The following ROBO2 variants were observed in gnomAD, a reference collection of about 807,000 sequenced individuals.
ROBO2 encodes roundabout homolog 2.
Under a neutral mutation model 160.8 loss-of-function variants are expected in ROBO2, and 53 were observed. That is an observed-to-expected ratio of 0.33 (90% CI 0.26 to 0.41). The LOEUF is 0.41. ROBO2 is among the 10% of genes least tolerant of loss of function. ROBO2 has a pLI of 1.00. For missense variants in ROBO2, 1,577 were observed against 1,722.4 expected (o/e 0.92, Z 1.49); for synonymous variants, 664 against 611.7 (o/e 1.09, Z -1.26).
At chr3:77,514,619 T>A (rs544543502) in intron 5 of ROBO2, among the ~76,000 whole-genome samples, 1 of 151,988 alleles carries the variant, frequency 6.6e-6, no homozygotes, top group East Asian at 1.9e-4. Context: ...TCTAAGTTAT[T>A]TACTGCTGTG....
At chr3:77,026,799 ATTG>A (rs1005486448) in intron 2 of ROBO2, among the ~76,000 whole-genome samples, 1 of 152,210 alleles carries the variant, frequency 6.6e-6, no homozygotes, top group Non-Finnish European at 1.5e-5. Flanking sequence ...TCAATAAAAA[ATTG>A]TTAAGTGAAT....
chr3:77,252,831 A>AAAATATATATATATATATATATATATAT, intron 2 of ROBO2, among the ~76,000 whole-genome samples: 3 of 12,510 alleles, frequency 2.4e-4, no homozygotes, highest in African/African-American at 3.2e-4. Context: ...AAAAAAAAAA[A>AAAATATATATATATATATATATATATAT]ATATATATAT....
chr3:76,687,565 G>A (rs1029683845), intron 2 of ROBO2, among the ~76,000 whole-genome samples: 1 of 151,944 alleles, frequency 6.6e-6, no homozygotes, highest in African/African-American at 2.4e-5. Flanking sequence ...CAGGAAAACA[G>A]TCCTCTAGGC....
At chr3:76,921,496 C>G (rs2076659539) in intron 2 of ROBO2, among the ~76,000 whole-genome samples, 1 of 152,108 alleles carries the variant, frequency 6.6e-6, no homozygotes, top group Non-Finnish European at 1.5e-5. Context: ...CTTGTAATCC[C>G]AGCTACTCAG....
chr3:75,911,384 G>T (rs1369188353), intron 1 of ROBO2, among the ~76,000 whole-genome samples: 1 of 151,980 alleles, frequency 6.6e-6, no homozygotes, highest in Non-Finnish European at 1.5e-5. Context: ...TGTAAAATGG[G>T]GAGACTAAGA....
Position 77,616,422 on chromosome 3 carries a change from G to A in ROBO2, c.3294-1091G>A, listed in dbSNP as rs187219201. 2.4e-3 allele frequency among the ~76,000 whole-genome samples: 361 copies of A among 152,046 alleles called. 3 individuals carry two copies. Among genetic ancestry groups the A allele is most frequent in the African/African-American group, 7.5e-3 (313 of 41,468 alleles). ...TCACTGAATAATTTTAGGCTTAAGC[G>A]TGATGTGAATGAAGATTTTAGAGAT... On this transcript the variant is annotated intron_variant, in intron 21 of 25. Coordinates refer to ENST00000461745, the Ensembl canonical transcript of ROBO2.
At chr3:77,512,843 A>G (rs2089567338) in intron 5 of ROBO2, among the ~76,000 whole-genome samples, 1 of 151,958 alleles carries the variant, frequency 6.6e-6, no homozygotes, top group East Asian at 1.9e-4. Flanking sequence ...ATTTACTCAT[A>G]TAGACATTAA....
chr3:76,478,860 G>T (rs1245317201), intron 2 of ROBO2, among the ~76,000 whole-genome samples: 1 of 151,600 alleles, frequency 6.6e-6, no homozygotes, highest in African/African-American at 2.4e-5. Flanking sequence ...GTAGAGTTGG[G>T]GTCTCCCTAT....
chr3:76,439,039 A>T (rs1283529406), intron 2 of ROBO2, among the ~76,000 whole-genome samples: 1 of 152,166 alleles, frequency 6.6e-6, no homozygotes, highest in Non-Finnish European at 1.5e-5. Flanking sequence ...CAATGGAGAA[A>T]GGATAACTTT....
intron 2 of ROBO2, among the ~76,000 whole-genome samples, chr3:76,594,006 T>C (rs1241885982): frequency 6.6e-6 from 1 of 151,980 alleles, no homozygotes; most frequent in Admixed American, 6.6e-5. Context: ...AAGTAACATA[T>C]TATCATAAAA....
At chr3:76,292,097 G>A (rs1028534465) in intron 2 of ROBO2, among the ~76,000 whole-genome samples, 23 of 152,108 alleles carry the variant, frequency 1.5e-4, no homozygotes, top group African/African-American at 5.1e-4. Flanking sequence ...GTCTAATGTC[G>A]TCGGTAGATT....
At position 76,081,009 on chromosome 3, in the gene ROBO2, A is replaced by G. The variant is rs564954630; in HGVS notation, c.109+143407A>G. 7.9e-5 allele frequency among the ~76,000 whole-genome samples: 12 copies of G among 152,274 alleles called. No homozygotes were observed. The South Asian group carries it at 2.3e-3, about 29-fold the overall frequency. ...AAAAAAATTCAACCAAGTGAAATTT[A>G]TAGCTCCTCTTTTAAAAAGACAGCT... On this transcript the variant is annotated intron_variant, in intron 2 of 26. Coordinates refer to the ROBO2 transcript ENST00000487694.
intron 2 of ROBO2, among the ~76,000 whole-genome samples, chr3:76,445,698 A>G (rs2077146911): frequency 6.6e-6 from 1 of 152,158 alleles, no homozygotes; most frequent in African/African-American, 2.4e-5. Context: ...ACCATGATCA[A>G]GTGGGCTTCA....
intron 2 of ROBO2, among the ~76,000 whole-genome samples, chr3:76,476,304 G>T (rs1025448442): frequency 3.9e-5 from 6 of 151,944 alleles, no homozygotes; most frequent in Non-Finnish European, 7.4e-5. Flanking sequence ...TGAAGTAATT[G>T]CTTGTAATAT....
intron 2 of ROBO2, among the ~76,000 whole-genome samples, chr3:76,578,492 T>C (rs986657757): frequency 3.3e-5 from 5 of 152,100 alleles, no homozygotes; most frequent in Non-Finnish European, 5.9e-5. Context: ...TTCTTTTTAG[T>C]TCATTTGTAA....
chr3:76,472,063 ATGTGTGTGTGTGTGTGTGTGTG>A (rs57259386), intron 2 of ROBO2, among the ~76,000 whole-genome samples: 1 of 137,830 alleles, frequency 7.3e-6, no homozygotes, highest in Non-Finnish European at 1.6e-5. Flanking sequence ...GTCTGATAAA[ATGTGTGTGTGTGTGTGTGTGTG>A]TGTGTGTGTG....
intron 19 of ROBO2, among the ~76,000 whole-genome samples, chr3:77,597,453 C>G (rs1297153942): frequency 6.6e-6 from 1 of 152,174 alleles, no homozygotes; most frequent in African/African-American, 2.4e-5. Context: ...CCCCTGACTT[C>G]ACCTTTTCAT....
At chr3:76,732,726 C>T (rs1163704798) in intron 2 of ROBO2, among the ~76,000 whole-genome samples, 3 of 152,112 alleles carry the variant, frequency 2.0e-5, no homozygotes, top group Non-Finnish European at 4.4e-5. Flanking sequence ...TGAGGACTGA[C>T]ATGAAATGAT....
intron 2 of ROBO2, among the ~76,000 whole-genome samples, chr3:76,927,500 A>T (rs2077058865): frequency 6.6e-6 from 1 of 152,216 alleles, no homozygotes. Context: ...TAATACTAGA[A>T]TTGGTGTTAT....
Sources: allele counts gnomAD v4.1 joint callset (sites outside exome capture counted in the v4.1 genomes callset), GRCh38; gene constraint gnomAD v4.1.1; transcripts MANE v1.5; gene names NCBI Gene and HGNC (gene_info 2026-07-23, HGNC 2026-07-21).